SYN3: variants seen among roughly 807,000 people sequenced by gnomAD.
The protein encoded by SYN3 is synapsin-3.
A neutral mutation model predicts 65.8 loss-of-function variants in SYN3; 35 were observed. The ratio of observed to expected loss-of-function variants is 0.53; its 90% CI spans 0.41 to 0.70. The LOEUF (loss-of-function observed/expected upper bound fraction) is 0.70, where lower values mean the gene tolerates loss of function less well. Among genes scored for constraint, SYN3 ranks in the 30% least tolerant of loss-of-function variants. SYN3 has a pLI of 0.00. For missense variants in SYN3, 680 were observed against 749.0 expected (o/e 0.91, Z 1.08); for synonymous variants, 270 against 292.9 (o/e 0.92, Z 0.80).
intron 7 of SYN3, among the ~76,000 whole-genome samples, chr22:32,586,073 CATGTATACATGTATATATGTATAT>C (rs1324362835): frequency 6.9e-6 from 1 of 145,414 alleles, no homozygotes; most frequent in East Asian, 2.0e-4. Context: ...TATATGTATA[CATGTATACATGTATATATGTATAT>C]ATGTATACAT....
chr22:32,759,414 G>A (rs1458683004), intron 6 of SYN3, among the ~76,000 whole-genome samples: 1 of 152,116 alleles, frequency 6.6e-6, no homozygotes, highest in South Asian at 2.1e-4. Flanking sequence ...CATGAAAATC[G>A]TGGTCCTGCT....
chr22:32,908,857 C>G (rs950365376), intron 4 of SYN3, among the ~76,000 whole-genome samples: 1 of 152,144 alleles, frequency 6.6e-6, no homozygotes, highest in Non-Finnish European at 1.5e-5. Flanking sequence ...AAGCAGAACA[C>G]TAGGTAAACA....
At chr22:32,614,525 G>A (rs2059488363) in intron 6 of SYN3, among the ~76,000 whole-genome samples, 1 of 152,182 alleles carries the variant, frequency 6.6e-6, no homozygotes. Context: ...TGAGTGGACA[G>A]GGGGATGAAC....
At chr22:32,963,441 T>C (rs57006933) in intron 3 of SYN3, among the ~76,000 whole-genome samples, 1,758 of 152,112 alleles carry the variant, frequency 0.012, 44 homozygotes, top group African/African-American at 0.04. Flanking sequence ...AGTTCTGAAC[T>C]GATTAGAGAC....
chr22:32,894,545 G>A (rs2049537736), intron 4 of SYN3, among the ~76,000 whole-genome samples: 1 of 152,210 alleles, frequency 6.6e-6, no homozygotes, highest in African/African-American at 2.4e-5. Flanking sequence ...TAAAGGAGGA[G>A]GCCTGAGAGG....
intron 4 of SYN3, among the ~76,000 whole-genome samples, chr22:32,918,284 T>C (rs1308486246): frequency 5.3e-5 from 8 of 152,134 alleles, no homozygotes; most frequent in Admixed American, 2.0e-4. Context: ...ACGGGGGAAG[T>C]AAATAATAAT....
chr22:32,968,128 T>G (rs1479393867), intron 3 of SYN3, among the ~76,000 whole-genome samples: 1 of 152,194 alleles, frequency 6.6e-6, no homozygotes, highest in East Asian at 1.9e-4. Flanking sequence ...AAACACATCA[T>G]GTGGGTCTGA....
chr22:32,913,055 G>C (rs1311071460), intron 4 of SYN3, among the ~76,000 whole-genome samples: 1 of 152,168 alleles, frequency 6.6e-6, no homozygotes, highest in Admixed American at 6.5e-5. Flanking sequence ...GTACAGGATA[G>C]TGAGGGAGGG....
intron 6 of SYN3, among the ~76,000 whole-genome samples, chr22:32,850,760 G>A (rs1335528409): frequency 2.6e-5 from 4 of 152,128 alleles, no homozygotes; most frequent in Non-Finnish European, 5.9e-5. Flanking sequence ...GTGACTTGGT[G>A]AATGCTTATC....
chr22:32,780,907 T>G (rs868744269), intron 6 of SYN3, among the ~76,000 whole-genome samples: 59 of 133,906 alleles, frequency 4.4e-4, no homozygotes, highest in Non-Finnish European at 2.3e-4. Context: ...CTGCCTGCCT[T>G]CCTTGCTTCC....
At chr22:32,998,080 C>T (rs182945257) in intron 2 of SYN3, among the ~76,000 whole-genome samples, 235 of 151,448 alleles carry the variant, frequency 1.6e-3, no homozygotes, top group African/African-American at 5.5e-3. Flanking sequence ...TTGATTGTCA[C>T]ACCCCCAACC....
At chr22:32,547,867 C>A (rs150401573) in intron 7 of SYN3, among the ~76,000 whole-genome samples, 42 of 152,246 alleles carry the variant, frequency 2.8e-4, no homozygotes, top group Admixed American at 2.4e-3. Flanking sequence ...CAGCTCAATC[C>A]CTTTTAGGAA....
intron 2 of SYN3, among the ~76,000 whole-genome samples, chr22:33,002,665 A>AC (rs939051096): frequency 2.0e-5 from 3 of 152,102 alleles, no homozygotes; most frequent in African/African-American, 7.2e-5. Flanking sequence ...ACAAAACAAA[A>AC]AAAACTATAA....
chr22:32,899,033 C>T (rs915116087), intron 4 of SYN3, among the ~76,000 whole-genome samples: 9 of 151,732 alleles, frequency 5.9e-5, no homozygotes, highest in Non-Finnish European at 1.2e-4. Context: ...ACCAGGAAGT[C>T]GGAGGTTGCT....
At chr22:32,990,696 C>A (rs897947812) in intron 2 of SYN3, among the ~76,000 whole-genome samples, 1 of 152,170 alleles carries the variant, frequency 6.6e-6, no homozygotes, top group African/African-American at 2.4e-5. Flanking sequence ...AAGCTGCCAA[C>A]TAGTAGACCT....
intron 2 of SYN3, among the ~76,000 whole-genome samples, chr22:32,985,918 C>A (rs2052511843): frequency 6.6e-6 from 1 of 152,056 alleles, no homozygotes; most frequent in Non-Finnish European, 1.5e-5. Flanking sequence ...ACAGCACCCC[C>A]TTCCCTAGCT....
intron 6 of SYN3, among the ~76,000 whole-genome samples, chr22:32,726,136 C>T (rs1217869572): frequency 2.2e-5 from 3 of 136,792 alleles, no homozygotes; most frequent in Admixed American, 1.4e-4. Flanking sequence ...AACTAGTAAT[C>T]CAGTATAGAT....
chr22:32,944,347 T>C (rs539106060), intron 3 of SYN3, among the ~76,000 whole-genome samples: 29 of 152,204 alleles, frequency 1.9e-4, no homozygotes, highest in African/African-American at 6.7e-4. Flanking sequence ...CTGAATGACA[T>C]GATCAAGTGG....
intron 1 of SYN3, among the ~76,000 whole-genome samples, chr22:33,049,063 T>C (rs2054117566): frequency 6.6e-6 from 1 of 152,224 alleles, no homozygotes; most frequent in Non-Finnish European, 1.5e-5. Context: ...AAAAACCATG[T>C]ATAATGCAAC....
Sources: gnomAD v4.1 joint callset for allele counts (sites outside exome capture counted in the v4.1 genomes callset) on GRCh38, gnomAD v4.1.1 for gene constraint, MANE v1.5 for transcripts, NCBI Gene and HGNC (gene_info 2026-07-23, HGNC 2026-07-21) for gene names.